LRMDA: variants seen among roughly 807,000 people sequenced by gnomAD.
LRMDA encodes leucine-rich melanocyte differentiation-associated protein.
A neutral mutation model predicts 29.8 loss-of-function variants in LRMDA; 18 were observed. That is an observed-to-expected ratio of 0.60 (90% CI 0.42 to 0.90). The LOEUF is 0.90. Ranked by LOEUF, LRMDA falls within the 40% of genes least tolerant of loss-of-function variation. LRMDA has a pLI of 0.00. For synonymous variants in LRMDA, 125 were observed against 109.4 expected, an observed-to-expected ratio of 1.14 and a Z score of -0.89; for missense variants, 273 against 273.9, an observed-to-expected ratio of 1.00 and a Z score of 0.02.
chr10:76,278,700 T>C (rs1043129146), intron 5 of LRMDA, among the ~76,000 whole-genome samples: 4 of 152,216 alleles, frequency 2.6e-5, no homozygotes, highest in African/African-American at 7.2e-5. Flanking sequence ...AAATCCTGAC[T>C]CTAATTTCAC....
At chr10:75,740,542 A>G (rs1589181065) in intron 2 of LRMDA, among the ~76,000 whole-genome samples, 1 of 152,310 alleles carries the variant, frequency 6.6e-6, no homozygotes, top group South Asian at 2.1e-4. Context: ...ATCTCCAGGC[A>G]ACAGCAGCCA....
chr10:75,532,070 A>G (rs1262571898), intron 2 of LRMDA, among the ~76,000 whole-genome samples: 1 of 151,414 alleles, frequency 6.6e-6, no homozygotes, highest in African/African-American at 2.4e-5. Context: ...AAAAAAAAAA[A>G]AAAAAAAGGA....
At chr10:76,120,845 T>TC (rs1491463020) in intron 5 of LRMDA, among the ~76,000 whole-genome samples, 1 of 149,392 alleles carries the variant, frequency 6.7e-6, no homozygotes, top group East Asian at 2.0e-4. Flanking sequence ...TTTTTTTTTT[T>TC]CCAAAGAGAC....
At chr10:75,523,916 C>T (rs1032314485) in intron 2 of LRMDA, among the ~76,000 whole-genome samples, 2 of 152,116 alleles carry the variant, frequency 1.3e-5, no homozygotes, top group South Asian at 4.1e-4. Flanking sequence ...CATCTGAAAA[C>T]GTGGAGTTGG....
chr10:75,774,965 G>C (rs956133172), intron 2 of LRMDA, among the ~76,000 whole-genome samples: 7 of 152,202 alleles, frequency 4.6e-5, no homozygotes, highest in African/African-American at 1.4e-4. Context: ...TGGGAGGTGT[G>C]GGGGAGGATC....
intron 5 of LRMDA, among the ~76,000 whole-genome samples, chr10:76,297,738 A>T (rs1027606598): frequency 6.6e-6 from 1 of 152,104 alleles, no homozygotes; most frequent in Non-Finnish European, 1.5e-5. Context: ...AGTCATTATC[A>T]CCATTGCCCC....
At chr10:76,147,836 A>G (rs1850358787) in intron 5 of LRMDA, among the ~76,000 whole-genome samples, 3 of 151,860 alleles carry the variant, frequency 2.0e-5, no homozygotes, top group African/African-American at 7.3e-5. Context: ...TTGGTCTTTG[A>G]TGATGGTGAC....
At chr10:75,881,453 AAGGACGAGAGGCTAC>A (rs1845291341) in intron 2 of LRMDA, among the ~76,000 whole-genome samples, 40 of 152,082 alleles carry the variant, frequency 2.6e-4, no homozygotes, top group Admixed American at 2.6e-3. Context: ...TAAGTAACAA[AAGGACGAGAGGCTAC>A]TCCCTTTGCA....
At chr10:76,368,585 G>C (rs911590205) in intron 6 of LRMDA, among the ~76,000 whole-genome samples, 1 of 152,030 alleles carries the variant, frequency 6.6e-6, no homozygotes, top group African/African-American at 2.4e-5. Flanking sequence ...GTGGTTGTTG[G>C]GTGAAATGTT....
chr10:76,114,807 A>G (rs538020320), intron 5 of LRMDA, among the ~76,000 whole-genome samples: 28 of 152,354 alleles, frequency 1.8e-4, no homozygotes, highest in African/African-American at 6.5e-4. Flanking sequence ...AAAAGTCAAC[A>G]GCACCCAGAG....
At chr10:76,318,874 C>T (rs1243537687) in intron 5 of LRMDA, 1 of 152,200 alleles carries the variant, frequency 6.6e-6, no homozygotes, top group Admixed American at 6.5e-5. Context: ...CAATGTGGCC[C>T]ACACTTTCGT....
intron 2 of LRMDA, among the ~76,000 whole-genome samples, chr10:75,531,380 A>G (rs1427370533): frequency 1.3e-5 from 2 of 152,208 alleles, no homozygotes; most frequent in Non-Finnish European, 2.9e-5. Context: ...GAGCTGCACT[A>G]AAGTTTCCCT....
chr10:75,462,895 T>C (rs185955075), intron 2 of LRMDA, among the ~76,000 whole-genome samples: 75 of 152,356 alleles, frequency 4.9e-4, no homozygotes, highest in Admixed American at 1.5e-3. Flanking sequence ...TTTTCGGTTA[T>C]ATTCCTATCT....
At chr10:75,998,522 G>C (rs561040703) in intron 2 of LRMDA, among the ~76,000 whole-genome samples, 5 of 152,284 alleles carry the variant, frequency 3.3e-5, no homozygotes, top group Admixed American at 3.3e-4. Context: ...GAAAATAATA[G>C]CAAGCATGTA....
chr10:75,555,221 G>A (rs996682944), intron 2 of LRMDA, among the ~76,000 whole-genome samples: 10 of 152,306 alleles, frequency 6.6e-5, no homozygotes, highest in African/African-American at 2.2e-4. Context: ...GGCAGCTACC[G>A]GAAGGGGAGC....
At chr10:75,451,912 ATG>A (rs983998335) in intron 2 of LRMDA, among the ~76,000 whole-genome samples, 1 of 147,654 alleles carries the variant, frequency 6.8e-6, no homozygotes, top group African/African-American at 2.5e-5. Context: ...GTGTGTGTGT[ATG>A]TGTGTGTTCT....
intron 2 of LRMDA, among the ~76,000 whole-genome samples, chr10:75,515,877 A>G (rs918642308): frequency 6.6e-6 from 1 of 151,586 alleles, no homozygotes; most frequent in Non-Finnish European, 1.5e-5. Flanking sequence ...GACAGGCCCT[A>G]GTGTGTGTGA....
intron 2 of LRMDA, among the ~76,000 whole-genome samples, chr10:75,514,668 CCCT>C (rs970775395): frequency 6.6e-6 from 1 of 152,092 alleles, no homozygotes; most frequent in Non-Finnish European, 1.5e-5. Context: ...GCTGGTATCT[CCCT>C]CCTCCTCTTG....
At chr10:76,418,627 G>A (rs866567542) in intron 6 of LRMDA, among the ~76,000 whole-genome samples, 9 of 151,484 alleles carry the variant, frequency 5.9e-5, no homozygotes, top group African/African-American at 1.9e-4. Context: ...TTATCTTATA[G>A]AATTGGCCAT....
Sources: allele counts gnomAD v4.1 joint callset (sites outside exome capture counted in the v4.1 genomes callset), GRCh38; gene constraint gnomAD v4.1.1; transcripts MANE v1.5; gene names NCBI Gene and HGNC (gene_info 2026-07-23, HGNC 2026-07-21).